ACTN1: variants seen among roughly 807,000 people sequenced by gnomAD.
The protein encoded by ACTN1 is actinin alpha 1.
Under a neutral mutation model 119.6 loss-of-function variants are expected in ACTN1, and 30 were observed. The observed-to-expected ratio is 0.25, with a 90% confidence interval of 0.19 to 0.34. ACTN1 has a LOEUF of 0.34. ACTN1 is among the 10% of genes least tolerant of loss of function. The probability of loss-of-function intolerance (pLI) is 1.00; values close to 1 mark genes in which losing one functional copy is unlikely to be tolerated. For synonymous variants in ACTN1, 429 were observed against 472.6 expected (o/e 0.91, Z 1.20); for missense variants, 764 against 1,223.4 (o/e 0.62, Z 5.60).
chr14:68,904,520 C>A (rs1208531466), intron 7 of ACTN1, 135 bp downstream of exon 7: 2 of 674,878 alleles, frequency 3.0e-6, no homozygotes, highest in African/African-American at 3.6e-5. Flanking sequence ...CTGTGATCCC[C>A]ATGCTCCTCA....
intron 1 of ACTN1, among the ~76,000 whole-genome samples, chr14:68,972,725 C>T (rs1020233979): frequency 3.9e-5 from 6 of 152,156 alleles, no homozygotes; most frequent in Admixed American, 2.6e-4. Flanking sequence ...ATGCTGGAGC[C>T]CGACTGCCTG....
chr14:68,874,951 G>A lies in ACTN1; in HGVS notation c.2653C>T (p.Arg885Trp). The A allele has an allele frequency of 6.2e-7, 1 of 1,613,660 alleles. No homozygotes were observed. The highest frequency in any genetic ancestry group is 8.5e-7 in the Non-Finnish European group (1 of 1,179,888). The change falls in exon 22 of 22, where the codon CGG (arginine) becomes TGG (tryptophan). Residue 885 changes from arginine to tryptophan, a missense_variant. This residue lies in a region of ACTN1 where 102 missense variants were observed against 78.2 expected (regional missense o/e 1.30). Coordinates refer to ENST00000394419, the MANE Select transcript of ACTN1 (RefSeq NM_001130004.2). The part of the protein sequence containing the change: ...PPDQAEYCIA[R>W]MAPYTGPDSV... ...TCGGGGCCGGTGTAGGGGGCCATCC[G>A]CGCGATGCAGTACTCAGCCTGGTCG...
intron 1 of ACTN1, among the ~76,000 whole-genome samples, chr14:68,942,704 A>C (rs1036517830): frequency 6.6e-6 from 1 of 152,164 alleles, no homozygotes; most frequent in East Asian, 1.9e-4. Flanking sequence ...TGGAGAGTAG[A>C]CTGTACAGCC....
At chr14:68,938,910 A>AGG (rs11441109) in intron 1 of ACTN1, among the ~76,000 whole-genome samples, 4 of 151,962 alleles carry the variant, frequency 2.6e-5, no homozygotes, top group African/African-American at 9.7e-5. Context: ...GGAGATGGGG[A>AGG]GGGGGGAGTG....
At chr14:68,911,657 A>G (rs981314735) in intron 4 of ACTN1, among the ~76,000 whole-genome samples, 4 of 152,262 alleles carry the variant, frequency 2.6e-5, no homozygotes, top group African/African-American at 9.6e-5. Flanking sequence ...AAATATTATT[A>G]TGCAAGATAA....
intron 1 of ACTN1, 73 bp downstream of exon 1, chr14:68,978,879 G>T: frequency 9.2e-7 from 1 of 1,092,774 alleles, no homozygotes; most frequent in Non-Finnish European, 1.3e-6. Flanking sequence ...GGAGCCGAGA[G>T]CCCGGCAGGC....
At position 68,878,936 on chromosome 14, in the gene ACTN1, A is replaced by G. The variant is rs2031216373; in HGVS notation, c.2361+53T>C. ...AGAAGAGAAAAAGGAAAAACGCATT[A>G]TTTCTTGCCCCAGACGCCACCCCTG... On this transcript the variant is annotated intron_variant, in intron 19 of 21. Coordinates refer to ENST00000394419, the MANE Select transcript of ACTN1 (RefSeq NM_001130004.2). The surrounding 1 kb of genome is among the most constrained non-coding windows in gnomAD (Gnocchi z 4.4). 6.2e-7 allele frequency: 1 copy of G among 1,611,384 alleles called. No homozygotes were observed. The highest frequency in any genetic ancestry group is 8.5e-7 in the Non-Finnish European group (1 of 1,179,474).
intron 20 of ACTN1, chr14:68,877,498 G>A: frequency 2.1e-6 from 1 of 478,034 alleles, no homozygotes; most frequent in Non-Finnish European, 3.7e-6. Flanking sequence ...TAACTATAAT[G>A]ACAACAATGA....
At chr14:68,918,813 G>A (rs1246436756) in intron 3 of ACTN1, among the ~76,000 whole-genome samples, 1 of 152,220 alleles carries the variant, frequency 6.6e-6, no homozygotes, top group African/African-American at 2.4e-5. Flanking sequence ...GAAGAGGAAG[G>A]CCTCAGCTCT....
intron 1 of ACTN1, among the ~76,000 whole-genome samples, chr14:68,956,670 A>G (rs894783426): frequency 6.6e-6 from 1 of 152,178 alleles, no homozygotes; most frequent in African/African-American, 2.4e-5. Context: ...GGTCACCTGC[A>G]GCGAATGATC....
intron 2 of ACTN1, chr14:68,921,436 G>A (rs1265923689): frequency 8.8e-6 from 2 of 228,284 alleles, no homozygotes; most frequent in Non-Finnish European, 8.6e-6. Flanking sequence ...GGAATAGGGG[G>A]GTGAACAAAA....
At chr14:68,921,418 G>A in intron 2 of ACTN1, 1 of 288,442 alleles carries the variant, frequency 3.5e-6, no homozygotes, top group Non-Finnish European at 6.5e-6. Context: ...GGATTTGGCT[G>A]GGTGCTAGGA....
chr14:68,906,801 C>T (rs1367593655), intron 6 of ACTN1, among the ~76,000 whole-genome samples: 4 of 152,082 alleles, frequency 2.6e-5, no homozygotes, highest in African/African-American at 7.2e-5. Context: ...AGGATTTGGG[C>T]TGGATTTTAC....
At chr14:68,953,954 A>T (rs1328443393) in intron 1 of ACTN1, among the ~76,000 whole-genome samples, 1 of 152,178 alleles carries the variant, frequency 6.6e-6, no homozygotes, top group African/African-American at 2.4e-5. Context: ...TGCTTCAGAT[A>T]GAAATTCTCT....
chr14:68,960,287 A>G (rs913021948), intron 1 of ACTN1, among the ~76,000 whole-genome samples: 1 of 152,198 alleles, frequency 6.6e-6, no homozygotes, highest in African/African-American at 2.4e-5. Flanking sequence ...GTGATGTTCA[A>G]GGGTCGGTTG....
At chr14:68,922,080 C>T (rs1400782731) in intron 2 of ACTN1, among the ~76,000 whole-genome samples, 1 of 152,200 alleles carries the variant, frequency 6.6e-6, no homozygotes, top group Non-Finnish European at 1.5e-5. Context: ...ATATAGCTTT[C>T]AGGGTCTCTA....
chr14:68,900,079 C>T (rs1416414156), intron 8 of ACTN1, among the ~76,000 whole-genome samples: 1 of 152,096 alleles, frequency 6.6e-6, no homozygotes, highest in Non-Finnish European at 1.5e-5. Context: ...CGGGGCTGGT[C>T]TCCTGTCTCT....
intron 8 of ACTN1, among the ~76,000 whole-genome samples, chr14:68,897,533 A>C (rs1205526197): frequency 6.6e-6 from 1 of 152,232 alleles, no homozygotes; most frequent in African/African-American, 2.4e-5. Context: ...ACTGTCCTCA[A>C]GGTGACATCA....
rs1366531173 is a variant in ACTN1, at chr14:68,976,444, G to A, written c.105+2508C>T. On this transcript the variant is annotated intron_variant, in intron 1 of 21. Transcript: ENST00000394419. ...ACCACCTCCTTAATATCACCCTACTGAGAACTAGGCAGGCCAGAAATTCTG... is the reference window on the plus strand; with the variant it reads ...ACCACCTCCTTAATATCACCCTACTAAGAACTAGGCAGGCCAGAAATTCTG... Among the ~76,000 whole-genome samples, 3 of 152,188 alleles carry A rather than the reference G, an allele frequency of 2.0e-5. No homozygotes were observed. In the East Asian group the frequency reaches 5.8e-4, roughly 29 times the overall value.
Sources: allele counts gnomAD v4.1 joint callset (sites outside exome capture counted in the v4.1 genomes callset), GRCh38; gene constraint gnomAD v4.1.1; regional missense constraint gnomAD v4.1.1; non-coding constraint Gnocchi (gnomAD v3.1); transcripts MANE v1.5; gene names NCBI Gene and HGNC (gene_info 2026-07-23, HGNC 2026-07-21).